Variants in TMEM132D observed in about 807,000 individuals in gnomAD.
TMEM132D encodes mature OL transmembrane protein.
A neutral mutation model predicts 62.3 loss-of-function variants in TMEM132D; 21 were observed. That is an observed-to-expected ratio of 0.34 (90% CI 0.24 to 0.49). TMEM132D has a LOEUF of 0.49. Among genes scored for constraint, TMEM132D ranks in the 20% least tolerant of loss-of-function variants. TMEM132D has a pLI of 0.99. For synonymous variants in TMEM132D, 621 were observed against 575.6 expected (o/e 1.08, Z -1.13); for missense variants, 1,346 against 1,402.8 (o/e 0.96, Z 0.65).
At chr12:129,796,464 A>C (rs777847705) in intron 1 of TMEM132D, among the ~76,000 whole-genome samples, 4 of 152,170 alleles carry the variant, frequency 2.6e-5, no homozygotes, top group Non-Finnish European at 5.9e-5. Context: ...TCAGGGGTAC[A>C]TGTGAAGGTT....
intron 3 of TMEM132D, among the ~76,000 whole-genome samples, chr12:129,344,318 T>C (rs887074035): frequency 6.6e-6 from 1 of 152,176 alleles, no homozygotes; most frequent in African/African-American, 2.4e-5. Context: ...TGGGTAAATG[T>C]TGGGGTCCTG....
intron 2 of TMEM132D, among the ~76,000 whole-genome samples, chr12:129,534,459 T>G (rs1207186386): frequency 6.6e-6 from 1 of 151,784 alleles, no homozygotes; most frequent in Non-Finnish European, 1.5e-5. Flanking sequence ...AATTTGTATA[T>G]ACATATATGT....
At position 129,605,587 on chromosome 12, in the gene TMEM132D, T is replaced by TTG. The variant is rs1555221320; in HGVS notation, c.969-74383_969-74382insCA. ...TTAAATTATTATGGGAAATTAGGCATTATATATATATATATATACACACAC... is the reference window on the plus strand; with the variant it reads ...TTAAATTATTATGGGAAATTAGGCATTGTATATATATATATATATACACACAC... On this transcript the variant is annotated intron_variant, in intron 2 of 8. Coordinates refer to ENST00000422113, the MANE Select transcript of TMEM132D (RefSeq NM_133448.3). Among the ~76,000 whole-genome samples the TTG allele has an allele frequency of 7.2e-3, 769 of 107,304 alleles. 23 individuals are homozygous for TTG. Among genetic ancestry groups the TTG allele is most frequent in the African/African-American group, 0.028 (709 of 25,666 alleles). The allele number at this position is 107,304 out of a possible 152,430, so 70.4% of individuals were successfully genotyped here.
chr12:129,533,639 T>C (rs1433989543), intron 2 of TMEM132D, among the ~76,000 whole-genome samples: 1 of 152,250 alleles, frequency 6.6e-6, no homozygotes, highest in Non-Finnish European at 1.5e-5. Context: ...CAATGAATCC[T>C]TTTCAAGTTC....
At position 129,221,054 on chromosome 12, in the gene TMEM132D, T is replaced by C. The variant is rs555503589; in HGVS notation, c.1300-11391A>G. Among the ~76,000 whole-genome samples the C allele has an allele frequency of 1.2e-4, 19 of 152,330 alleles. 1 individual carries two copies. The East Asian group carries it at 3.5e-3, about 28-fold the overall frequency. ...GCTCCGAGAATATGCCATTTGTTCC[T>C]TCATATTTTCCAGGTCCTTACAGTT... On this transcript the variant is annotated intron_variant, in intron 4 of 8. Transcript: ENST00000422113.
At chr12:129,744,742 G>A (rs116283251) in intron 1 of TMEM132D, among the ~76,000 whole-genome samples, 2,086 of 152,202 alleles carry the variant, frequency 0.014, 52 homozygotes, top group African/African-American at 0.046. Flanking sequence ...CTGAGCAAAC[G>A]CAAATGAGTA....
intron 1 of TMEM132D, among the ~76,000 whole-genome samples, chr12:129,776,985 T>C (rs1224712792): frequency 6.6e-6 from 1 of 152,212 alleles, no homozygotes; most frequent in East Asian, 1.9e-4. Context: ...GTGTTCTTTT[T>C]TATTAACAAA....
chr12:129,128,412 G>A (rs184739272), intron 5 of TMEM132D, among the ~76,000 whole-genome samples: 16 of 152,204 alleles, frequency 1.1e-4, no homozygotes, highest in Non-Finnish European at 2.4e-4. Flanking sequence ...AAGCAAGGTG[G>A]CATCTTACAC....
chr12:129,613,289 A>G (rs1422287798), intron 2 of TMEM132D, among the ~76,000 whole-genome samples: 1 of 152,128 alleles, frequency 6.6e-6, no homozygotes, highest in Non-Finnish European at 1.5e-5. Flanking sequence ...CCTAAATATT[A>G]TAAGAGATAA....
At chr12:129,151,685 T>C (rs918077713) in intron 5 of TMEM132D, among the ~76,000 whole-genome samples, 1 of 152,182 alleles carries the variant, frequency 6.6e-6, no homozygotes, top group African/African-American at 2.4e-5. Context: ...TTTCTTGGGA[T>C]TCGCTAGACC....
intron 3 of TMEM132D, among the ~76,000 whole-genome samples, chr12:129,414,116 C>T (rs1020030638): frequency 5.3e-5 from 8 of 152,176 alleles, no homozygotes; most frequent in African/African-American, 9.7e-5. Flanking sequence ...TGAATCTCTC[C>T]GCATAAAGTG....
chr12:129,632,735 C>T (rs575332119), intron 2 of TMEM132D, among the ~76,000 whole-genome samples: 2 of 152,342 alleles, frequency 1.3e-5, no homozygotes, highest in South Asian at 2.1e-4. Flanking sequence ...CATCCACGCA[C>T]GAGCTCCCTC....
At chr12:129,435,147 T>C (rs1593007389) in intron 3 of TMEM132D, among the ~76,000 whole-genome samples, 1 of 152,218 alleles carries the variant, frequency 6.6e-6, no homozygotes, top group East Asian at 1.9e-4. Flanking sequence ...GATAGGATTT[T>C]ATTCTTTTTT....
intron 3 of TMEM132D, among the ~76,000 whole-genome samples, chr12:129,464,791 G>A (rs1317941964): frequency 6.6e-6 from 1 of 152,038 alleles, no homozygotes; most frequent in Admixed American, 6.6e-5. Flanking sequence ...TAGATATGCG[G>A]CGTTATATCT....
chr12:129,887,042 T>C (rs754758410), intron 1 of TMEM132D, among the ~76,000 whole-genome samples: 14 of 152,224 alleles, frequency 9.2e-5, no homozygotes, highest in Non-Finnish European at 1.6e-4. Flanking sequence ...TACGTCCTCA[T>C]AGCAGTGTGA....
intron 1 of TMEM132D, among the ~76,000 whole-genome samples, chr12:129,818,215 T>C (rs1425896073): frequency 6.8e-6 from 1 of 147,146 alleles, no homozygotes; most frequent in Non-Finnish European, 1.5e-5. Flanking sequence ...TATGAGTGTG[T>C]ATCTGTGTGT....
At chr12:129,096,956 T>TCCA (rs5801839) in intron 5 of TMEM132D, among the ~76,000 whole-genome samples, 108,344 of 151,878 alleles carry the variant, frequency 0.71, 39,413 homozygotes, top group African/African-American at 0.86. Context: ...CTCAAAACCG[T>TCCA]CCATGTGGCC....
chr12:129,889,524 T>C (rs191878165), intron 1 of TMEM132D, among the ~76,000 whole-genome samples: 2 of 152,314 alleles, frequency 1.3e-5, no homozygotes, highest in East Asian at 3.9e-4. Flanking sequence ...CTAACTAATG[T>C]ACCCCTTAGG....
intron 4 of TMEM132D, among the ~76,000 whole-genome samples, chr12:129,257,963 A>C (rs1191981224): frequency 5.9e-5 from 9 of 152,152 alleles, no homozygotes; most frequent in African/African-American, 2.2e-4. Flanking sequence ...GAATCACAGA[A>C]GCCTTTTTTG....
Sources: allele counts gnomAD v4.1 joint callset (sites outside exome capture counted in the v4.1 genomes callset), GRCh38; gene constraint gnomAD v4.1.1; transcripts MANE v1.5; gene names NCBI Gene and HGNC (gene_info 2026-07-23, HGNC 2026-07-21).